The following DNAH6 variants were observed in gnomAD, a reference collection of about 807,000 sequenced individuals.
DNAH6 encodes axonemal beta dynein heavy chain 6.
DNAH6 carries 340 observed loss-of-function variants against 491.4 expected under a neutral mutation model. The ratio of observed to expected loss-of-function variants is 0.69; its 90% CI spans 0.63 to 0.76. DNAH6 has a LOEUF of 0.76. Among genes scored for constraint, DNAH6 ranks in the 30% least tolerant of loss-of-function variants. The pLI is 0.00. For synonymous variants in DNAH6, 1,603 were observed against 1,686.1 expected (o/e 0.95, Z 1.21); for missense variants, 4,443 against 4,972.2 (o/e 0.89, Z 3.20).
At chr2:84,474,301 A>G in the DNAH6 span, among the ~76,000 whole-genome samples, 1 of 152,054 alleles carries the variant, frequency 6.6e-6, no homozygotes, top group Non-Finnish European at 1.5e-5. Flanking sequence ...GCTCTATATG[A>G]CCCTTTTGCA....
At chr2:84,620,314 G>A (rs1328247432) in intron 24 of DNAH6, among the ~76,000 whole-genome samples, 1 of 152,128 alleles carries the variant, frequency 6.6e-6, no homozygotes, top group Non-Finnish European at 1.5e-5. Flanking sequence ...CTCGTTCAGG[G>A]GATAGTGTAT....
Position 84,604,419 on chromosome 2 carries a change from T to C in DNAH6, c.2949T>C (p.Thr983=). ...CTATTGAACAAACAGTTGATGCCACTCTAGTGGATGCTGAAATTCCATTAA... is the reference window on the plus strand; with the variant it reads ...CTATTGAACAAACAGTTGATGCCACCCTAGTGGATGCTGAAATTCCATTAA... The part of the protein sequence containing the change: ...WAAIEQTVDA[T]LVDAEIPLTL... Residue 983 remains threonine, a synonymous_variant, in exon 19 of 77, where the codon ACT becomes ACC. Transcript: ENST00000389394. The C allele has an allele frequency of 1.3e-6, 2 of 1,552,166 alleles. No individual in the cohort carries two copies. Among genetic ancestry groups the C allele is most frequent in the Non-Finnish European group, 1.7e-6 (2 of 1,147,052 alleles).
At chr2:84,634,907 G>A (rs1688729777) in intron 30 of DNAH6, among the ~76,000 whole-genome samples, 1 of 152,154 alleles carries the variant, frequency 6.6e-6, no homozygotes, top group Non-Finnish European at 1.5e-5. Flanking sequence ...ATATTCAGAA[G>A]CTGATGGCAG....
intron 70 of DNAH6, among the ~76,000 whole-genome samples, chr2:84,805,363 G>C (rs909592332): frequency 6.6e-6 from 1 of 152,162 alleles, no homozygotes; most frequent in African/African-American, 2.4e-5. Flanking sequence ...AGTTGCCAGG[G>C]GCTGGGGAGA....
intron 76 of DNAH6, among the ~76,000 whole-genome samples, chr2:84,816,895 C>T (rs567659139): frequency 1.3e-5 from 2 of 152,202 alleles, no homozygotes; most frequent in African/African-American, 4.8e-5. Context: ...CTGGGAAAAT[C>T]GCCTTGAATA....
chr2:84,660,703 GAT>G (rs944925812), intron 37 of DNAH6, among the ~76,000 whole-genome samples: 3 of 152,018 alleles, frequency 2.0e-5, no homozygotes, highest in African/African-American at 7.2e-5. Flanking sequence ...CCTGCTTCCT[GAT>G]ATGGGGCACT....
At chr2:84,680,362 C>A (rs113489616) in intron 41 of DNAH6, among the ~76,000 whole-genome samples, 5 of 152,040 alleles carry the variant, frequency 3.3e-5, no homozygotes, top group Non-Finnish European at 7.4e-5. Context: ...CAAGCACTTG[C>A]GGGTCAAGGA....
At position 84,565,328 on chromosome 2, in the gene DNAH6, CTT is replaced by C. The variant is rs34618591; in HGVS notation, c.1803+7403_1803+7404del. On this transcript the variant is annotated intron_variant, in intron 11 of 76. Transcript: ENST00000389394. ...GACTGTGAATCCATCTGGTCCAGGG[CTT>C]TTTTTTTTTGTAGTTTTTTTATATT... is the stretch of plus-strand genomic sequence containing the variant. Among the ~76,000 whole-genome samples the C allele has an allele frequency of 3.3e-4, 48 of 147,378 alleles. No homozygotes were observed. In the East Asian group the frequency reaches 3.7e-3, roughly 11 times the overall value.
intron 4 of DNAH6, among the ~76,000 whole-genome samples, chr2:84,534,472 TG>T (rs1245895688): frequency 6.6e-6 from 1 of 152,104 alleles, no homozygotes; most frequent in Non-Finnish European, 1.5e-5. Flanking sequence ...CCACTGAGTT[TG>T]ATTGTTACTG....
chr2:84,650,879 TGAGACTCTA>T (rs1690391446), intron 33 of DNAH6, among the ~76,000 whole-genome samples: 1 of 152,232 alleles, frequency 6.6e-6, no homozygotes. Context: ...TATTATGTTA[TGAGACTCTA>T]GATCTTATTT....
Position 84,624,408 on chromosome 2 carries a change from G to A in DNAH6, c.4197+18G>A. The A allele has an allele frequency of 1.3e-6, 2 of 1,549,416 alleles. No homozygotes were observed. The highest frequency in any genetic ancestry group is 1.7e-6 in the Non-Finnish European group (2 of 1,146,146). ...AATCCAAGGTAACTGTTTCATTTAA[G>A]TAAAATTATATACTTCTTTCTGAAA... On this transcript the variant is annotated intron_variant, in intron 27 of 76. Transcript: ENST00000389394.
At chr2:84,696,461 A>G (rs1269216442) in intron 46 of DNAH6, among the ~76,000 whole-genome samples, 1 of 152,006 alleles carries the variant, frequency 6.6e-6, no homozygotes, top group Admixed American at 6.5e-5. Context: ...TCAAATTTAC[A>G]TTTGTAGATT....
intron 33 of DNAH6, 70 bp from the exon 34 acceptor site, chr2:84,653,249 T>TG (rs1223349782): frequency 4.8e-6 from 6 of 1,242,292 alleles, no homozygotes; most frequent in Non-Finnish European, 6.6e-6. Context: ...AATATTTCAT[T>TG]GATTGTAACA....
At chr2:84,811,624 G>A (rs1447836874) in intron 72 of DNAH6, among the ~76,000 whole-genome samples, 1 of 152,174 alleles carries the variant, frequency 6.6e-6, no homozygotes, top group Non-Finnish European at 1.5e-5. Context: ...ATGTTGGGAG[G>A]CTAAGGTGGG....
chr2:84,543,109 A>C (rs1035457473), intron 4 of DNAH6, among the ~76,000 whole-genome samples: 2 of 152,202 alleles, frequency 1.3e-5, no homozygotes, highest in African/African-American at 4.8e-5. Flanking sequence ...CAGTGAGCCA[A>C]GTTTGCACGG....
rs1203218204 is a variant in DNAH6, at chr2:84,653,349, C to A, written c.5109C>A (p.Val1703=). Residue 1703 remains valine, a synonymous_variant, in exon 34 of 77, where the codon GTC becomes GTA. Transcript: ENST00000389394. ...SGIISDLFPG[V]QIPEHDYGIL... ...TCATATCTGACCTTTTTCCTGGAGT[C>A]CAAATTCCAGAACATGATTATGGTA... is the stretch of plus-strand genomic sequence containing the variant. The A allele has an allele frequency of 6.5e-7, 1 of 1,538,514 alleles. No individual in the cohort carries two copies. The highest frequency in any genetic ancestry group is 8.8e-7 in the Non-Finnish European group (1 of 1,139,648).
chr2:84,575,204 TACA>T (rs935154972), intron 12 of DNAH6, among the ~76,000 whole-genome samples: 3 of 152,162 alleles, frequency 2.0e-5, no homozygotes, highest in Non-Finnish European at 4.4e-5. Context: ...CTCAAACGAC[TACA>T]ACATTGCTTA....
Position 84,634,538 on chromosome 2 carries a change from C to T in DNAH6, c.4550C>T (p.Ser1517Leu), listed in dbSNP as rs1253175132. Reference protein sequence around the residue: ...MGRFFSGLAQSGAWCCFDEFN... With the variant: ...MGRFFSGLAQLGAWCCFDEFN... ...CGCTTCTTCAGTGGCTTGGCACAGTCAGGGGCCTGGTGCTGCTTTGATGAA... is the reference window on the plus strand; with the variant it reads ...CGCTTCTTCAGTGGCTTGGCACAGTTAGGGGCCTGGTGCTGCTTTGATGAA... The change falls in exon 30 of 77, where the codon TCA (serine) becomes TTA (leucine). Residue 1517 changes from serine to leucine, a missense_variant. Around this residue, in one of 3 missense-constraint regions of DNAH6, gnomAD observed 2,977 missense variants for 3,296.6 expected, o/e 0.90. Transcript: ENST00000389394. 1 of 1,548,692 alleles carries T rather than the reference C, an allele frequency of 6.5e-7. No individual in the cohort carries two copies. The highest frequency in any genetic ancestry group is 1.7e-4 in the Middle Eastern group (1 of 5,978).
At chr2:84,529,647 GT>G (rs1291533869) in intron 4 of DNAH6, among the ~76,000 whole-genome samples, 11 of 152,182 alleles carry the variant, frequency 7.2e-5, no homozygotes, top group African/African-American at 2.7e-4. Context: ...CACATTTGTT[GT>G]TGATATAATT....
Sources: allele counts gnomAD v4.1 joint callset (sites outside exome capture counted in the v4.1 genomes callset), GRCh38; gene constraint gnomAD v4.1.1; regional missense constraint gnomAD v4.1.1; transcripts MANE v1.5; gene names NCBI Gene and HGNC (gene_info 2026-07-23, HGNC 2026-07-21).